The following PPP2R5A variants were observed in gnomAD, a reference collection of about 807,000 sequenced individuals.
PPP2R5A encodes the protein protein phosphatase 2 regulatory subunit B'alpha, also known as serine/threonine-protein phosphatase 2A 56 kDa regulatory subunit alpha isoform.
A neutral mutation model predicts 64.2 loss-of-function variants in PPP2R5A; 25 were observed. The observed-to-expected ratio is 0.39, with a 90% CI of 0.28 to 0.54. PPP2R5A has a LOEUF of 0.54. Among genes scored for constraint, PPP2R5A ranks in the 20% least tolerant of loss-of-function variants. The probability of loss-of-function intolerance (pLI) is 0.67; values close to 1 mark genes in which losing one functional copy is unlikely to be tolerated. For missense variants in PPP2R5A, 425 were observed against 576.3 expected, an observed-to-expected ratio of 0.74 and a Z score of 2.69; for synonymous variants, 198 against 201.2, an observed-to-expected ratio of 0.98 and a Z score of 0.13.
chr1:212,348,273 T>A (rs1019081647), intron 6 of PPP2R5A, 116 bp from the exon 7 acceptor site: 2 of 680,326 alleles, frequency 2.9e-6, no homozygotes, highest in Non-Finnish European at 5.2e-6. Flanking sequence ...AGATGAGCAG[T>A]CATACAACAC....
chr1:212,357,323 T>C (rs1659995080), intron 11 of PPP2R5A, 39 bp downstream of exon 11: 1 of 1,465,710 alleles, frequency 6.8e-7, no homozygotes, highest in East Asian at 2.5e-5. Flanking sequence ...TTTTCTTTTT[T>C]TTTTTTTATA....
chr1:212,314,821 C>T (rs1448937031), intron 1 of PPP2R5A, among the ~76,000 whole-genome samples: 3 of 152,018 alleles, frequency 2.0e-5, no homozygotes, highest in Non-Finnish European at 2.9e-5. Flanking sequence ...CTCAGCCTCC[C>T]GAAGTGTTGG....
At chr1:212,360,554 G>A in intron 12 of PPP2R5A, 84 bp from the exon 13 acceptor site, 2 of 1,193,390 alleles carry the variant, frequency 1.7e-6, no homozygotes, top group African/African-American at 1.6e-5. Context: ...GGTAAGTAAT[G>A]TGTTCTCCAG....
intron 8 of PPP2R5A, among the ~76,000 whole-genome samples, chr1:212,349,583 T>A (rs1341413526): frequency 6.6e-6 from 1 of 152,184 alleles, no homozygotes; most frequent in Non-Finnish European, 1.5e-5. Flanking sequence ...TAAAGCATAC[T>A]TCGAGGGTCC....
chr1:212,358,485 TTTAAG>T (rs1254911893), intron 11 of PPP2R5A, 196 bp from the exon 12 acceptor site: 2 of 356,848 alleles, frequency 5.6e-6, no homozygotes, highest in Non-Finnish European at 1.0e-5. Flanking sequence ...ATGGAAAAGA[TTTAAG>T]TTTTCTTAGA....
intron 2 of PPP2R5A, among the ~76,000 whole-genome samples, chr1:212,329,878 C>T (rs1774253): frequency 0.84 from 126,812 of 151,544 alleles, 53,544 homozygotes; most frequent in African/African-American, 0.96. Context: ...ACTCCTGACA[C>T]GTTGATCGAC....
Position 212,329,350 on chromosome 1 carries a change from G to A in PPP2R5A, c.378+19G>A. On this transcript the variant is annotated intron_variant, in intron 2 of 12. Transcript: ENST00000261461. ...AAAAATGGTAAGCCTCTAGAATTAT[G>A]TTCCTCAGATTTATGTAAATTTAAG... is the stretch of plus-strand genomic sequence containing the variant. 1.3e-6 allele frequency: 2 copies of A among 1,495,970 alleles called. No individual in the cohort carries two copies. Among genetic ancestry groups the A allele is most frequent in the Non-Finnish European group, 1.8e-6 (2 of 1,115,850 alleles). The allele number at this position is 1,495,970 out of a possible 1,614,324, so 92.7% of individuals were successfully genotyped here. A position where few individuals can be genotyped will look rare whatever the true frequency, so the allele number is the denominator to read the frequency against.
At chr1:212,325,996 A>T (rs1260953116) in intron 1 of PPP2R5A, among the ~76,000 whole-genome samples, 4 of 152,190 alleles carry the variant, frequency 2.6e-5, no homozygotes, top group Non-Finnish European at 5.9e-5. Context: ...AAAAAGCCCC[A>T]GAAGATTTAA....
At chr1:212,313,698 G>A (rs996974398) in intron 1 of PPP2R5A, 1 of 149,738 alleles carries the variant, frequency 6.7e-6, no homozygotes. Flanking sequence ...AACACCAACC[G>A]TATTATATAC....
chr1:212,319,821 C>T (rs1368336170), intron 1 of PPP2R5A, among the ~76,000 whole-genome samples: 3 of 151,686 alleles, frequency 2.0e-5, no homozygotes, highest in Admixed American at 1.3e-4. Context: ...TGGGGTTTCA[C>T]CATGTTGGCC....
Position 212,320,014 on chromosome 1 carries a change from TCA to T in PPP2R5A, c.182-9118_182-9117del, listed in dbSNP as rs1314379832. Among the ~76,000 whole-genome samples the T allele has an allele frequency of 4.1e-5, 6 of 146,194 alleles. No individual in the cohort carries two copies. In the East Asian group the frequency reaches 1.2e-3, roughly 29 times the overall value. On this transcript the variant is annotated intron_variant, in intron 1 of 12. Transcript: ENST00000261461. ...TCTCGCAGAGGGGGATTTGGCAGGG[TCA>T]CAGGACAATAGTGGAGGGAAGGTCA...
intron 8 of PPP2R5A, among the ~76,000 whole-genome samples, chr1:212,354,175 C>T (rs1358006329): frequency 1.3e-5 from 2 of 152,058 alleles, no homozygotes; most frequent in Non-Finnish European, 2.9e-5. Context: ...CAGAGCGAGA[C>T]TCTGTCTCAA....
intron 8 of PPP2R5A, 140 bp downstream of exon 8, chr1:212,349,382 A>C (rs1558154021): frequency 8.2e-6 from 5 of 611,796 alleles, no homozygotes; most frequent in African/African-American, 1.9e-5. Context: ...ATGTGAGATT[A>C]ATCTACATTA....
chr1:212,322,003 C>T (rs1423777972), intron 1 of PPP2R5A, among the ~76,000 whole-genome samples: 1 of 151,908 alleles, frequency 6.6e-6, no homozygotes, highest in East Asian at 1.9e-4. Context: ...CCGGCCAACA[C>T]AGCGAAACCC....
intron 8 of PPP2R5A, 73 bp downstream of exon 8, chr1:212,349,315 C>A: frequency 8.8e-7 from 1 of 1,137,442 alleles, no homozygotes; most frequent in South Asian, 1.7e-5. Flanking sequence ...GTTTTATAGC[C>A]TTTATAGTTA....
intron 3 of PPP2R5A, among the ~76,000 whole-genome samples, chr1:212,339,618 A>T (rs1254505811): frequency 6.6e-6 from 1 of 152,200 alleles, no homozygotes; most frequent in African/African-American, 2.4e-5. Flanking sequence ...AAACTATGAA[A>T]GAATTTATAT....
chr1:212,344,680 A>C (rs1239145163), intron 4 of PPP2R5A, among the ~76,000 whole-genome samples: 1 of 152,130 alleles, frequency 6.6e-6, no homozygotes, highest in East Asian at 1.9e-4. Context: ...TTTTGACAGA[A>C]GAAATTAAGT....
intron 1 of PPP2R5A, among the ~76,000 whole-genome samples, chr1:212,318,278 G>A (rs895137044): frequency 6.8e-6 from 1 of 147,722 alleles, no homozygotes; most frequent in Non-Finnish European, 1.5e-5. Flanking sequence ...ATTTAGCAAA[G>A]CAAGGCATAT....
intron 1 of PPP2R5A, among the ~76,000 whole-genome samples, chr1:212,291,516 T>C (rs996694255): frequency 6.6e-6 from 1 of 152,256 alleles, no homozygotes; most frequent in Admixed American, 6.5e-5. Context: ...AGGGTGATTC[T>C]AACGCGCAGC....
Sources: gnomAD v4.1 joint callset for allele counts (sites outside exome capture counted in the v4.1 genomes callset) on GRCh38, gnomAD v4.1.1 for gene constraint, MANE v1.5 for transcripts, NCBI Gene and HGNC (gene_info 2026-07-23, HGNC 2026-07-21) for gene names.